The following ATP10D variants were observed in gnomAD, a reference collection of about 807,000 sequenced individuals.
The protein encoded by ATP10D is phospholipid-transporting ATPase VD.
A neutral mutation model predicts 144.8 loss-of-function variants in ATP10D; 89 were observed. That is an observed-to-expected ratio of 0.61 (90% CI 0.52 to 0.73). The LOEUF (loss-of-function observed/expected upper bound fraction) is 0.73. ATP10D is among the 30% of genes least tolerant of loss of function. The pLI is 0.00. For missense variants in ATP10D, 1,603 were observed against 1,714.8 expected (o/e 0.93, Z 1.15); for synonymous variants, 571 against 615.1 (o/e 0.93, Z 1.06).
chr4:47,525,774 A>G, intron 5 of ATP10D, 132 bp downstream of exon 5: 1 of 676,860 alleles, frequency 1.5e-6, no homozygotes, highest in Non-Finnish European at 2.5e-6. Context: ...GCCACCTACT[A>G]AAATAGTTTG....
At chr4:47,499,797 C>T (rs779688214) in intron 1 of ATP10D, among the ~76,000 whole-genome samples, 1 of 152,118 alleles carries the variant, frequency 6.6e-6, no homozygotes, top group Non-Finnish European at 1.5e-5. Flanking sequence ...GAATAACTTC[C>T]TCTTGGAGAG....
In ATP10D at chr4:47,572,135, T is replaced by A; in HGVS notation, c.3164-19T>A. 6.2e-7 allele frequency: 1 copy of A among 1,613,236 alleles called. No individual in the cohort carries two copies. Among genetic ancestry groups the A allele is most frequent in the Non-Finnish European group, 8.5e-7 (1 of 1,179,230 alleles). ...TTTACTCCTCATATGTTTCTCTCCT[T>A]TTTTTCTGCCTCATGAAGGTGATGG... On this transcript the variant is annotated intron_variant, in intron 16 of 22. Transcript: ENST00000273859.
intron 18 of ATP10D, among the ~76,000 whole-genome samples, chr4:47,576,355 A>G (rs894528293): frequency 1.3e-5 from 2 of 151,906 alleles, no homozygotes; most frequent in Admixed American, 1.3e-4. Flanking sequence ...TTGGTCTTAG[A>G]TAGAGGGAGT....
intron 5 of ATP10D, among the ~76,000 whole-genome samples, chr4:47,528,770 C>T (rs949900708): frequency 3.3e-5 from 5 of 152,066 alleles, no homozygotes; most frequent in African/African-American, 1.2e-4. Flanking sequence ...TACATACACA[C>T]CAACAGTGTA....
At chr4:47,540,727 T>A (rs1718094861) in intron 9 of ATP10D, among the ~76,000 whole-genome samples, 2 of 152,182 alleles carry the variant, frequency 1.3e-5, no homozygotes, top group Non-Finnish European at 2.9e-5. Context: ...AACCCATATT[T>A]TATTTGGACT....
Position 47,488,844 on chromosome 4 carries a change from C to T in ATP10D, c.-38+3325C>T, listed in dbSNP as rs185026618. Among the ~76,000 whole-genome samples, 83 of 152,202 alleles carry T rather than the reference C, an allele frequency of 5.5e-4. 1 individual carries two copies. Among genetic ancestry groups the T allele is most frequent in the Admixed American group, 2.2e-3 (34 of 15,284 alleles). On this transcript the variant is annotated intron_variant, in intron 1 of 22. Transcript: ENST00000273859. ...ATTCCTCATGAATGGGATTAGTGCCCTCATAAAAGAGGCCACAAAGAGCTG... is the reference window on the plus strand; with the variant it reads ...ATTCCTCATGAATGGGATTAGTGCCTTCATAAAAGAGGCCACAAAGAGCTG...
chr4:47,487,714 T>C (rs1405007312), intron 1 of ATP10D, among the ~76,000 whole-genome samples: 1 of 152,272 alleles, frequency 6.6e-6, no homozygotes, highest in African/African-American at 2.4e-5. Flanking sequence ...TTTATCGCTT[T>C]GCAGAATAAG....
At chr4:47,496,937 G>A (rs568915362) in intron 1 of ATP10D, among the ~76,000 whole-genome samples, 31 of 152,110 alleles carry the variant, frequency 2.0e-4, no homozygotes, top group Admixed American at 7.9e-4. Flanking sequence ...TGCCTCCTGG[G>A]TTCGAGTGAT....
chr4:47,586,910 TTC>T (rs1720815024), intron 21 of ATP10D, 107 bp from the exon 22 acceptor site: 1 of 927,308 alleles, frequency 1.1e-6, no homozygotes, highest in African/African-American at 1.7e-5. Context: ...TGTTACACCA[TTC>T]ATCCAGTGCT....
intron 10 of ATP10D, among the ~76,000 whole-genome samples, chr4:47,551,366 A>G (rs1718725235): frequency 6.6e-6 from 1 of 152,236 alleles, no homozygotes; most frequent in African/African-American, 2.4e-5. Context: ...CTTTGTTTAC[A>G]TTATAGGAAG....
chr4:47,545,970 G>A (rs1718400807), intron 9 of ATP10D, among the ~76,000 whole-genome samples: 1 of 152,078 alleles, frequency 6.6e-6, no homozygotes, highest in Non-Finnish European at 1.5e-5. Context: ...CAGTATTTGA[G>A]GACTAAAAAG....
intron 1 of ATP10D, among the ~76,000 whole-genome samples, chr4:47,504,345 C>T (rs1190511656): frequency 6.6e-6 from 1 of 152,116 alleles, no homozygotes; most frequent in Non-Finnish European, 1.5e-5. Context: ...CACATTGGCA[C>T]CTGGGGCAGC....
intron 2 of ATP10D, 65 bp downstream of exon 2, chr4:47,512,895 A>G: frequency 7.0e-7 from 1 of 1,431,032 alleles, no homozygotes; most frequent in Non-Finnish European, 9.5e-7. Flanking sequence ...CATATTTTTC[A>G]TTTTCATAAC....
intron 9 of ATP10D, among the ~76,000 whole-genome samples, chr4:47,542,295 C>T (rs1457562340): frequency 1.3e-5 from 2 of 151,992 alleles, no homozygotes; most frequent in Non-Finnish European, 2.9e-5. Flanking sequence ...CAGGATTTCG[C>T]CATGTTTCCC....
intron 10 of ATP10D, among the ~76,000 whole-genome samples, chr4:47,553,359 A>C (rs1009537175): frequency 6.6e-6 from 1 of 152,236 alleles, no homozygotes; most frequent in Non-Finnish European, 1.5e-5. Flanking sequence ...AACAAGATTC[A>C]AATTTTGCTA....
chr4:47,587,976 G>A (rs1297196145), intron 22 of ATP10D, among the ~76,000 whole-genome samples: 1 of 152,072 alleles, frequency 6.6e-6, no homozygotes, highest in Non-Finnish European at 1.5e-5. Flanking sequence ...ATTTTTGTTT[G>A]TTTGTTTGTT....
intron 3 of ATP10D, among the ~76,000 whole-genome samples, chr4:47,522,016 G>T (rs1716966894): frequency 6.6e-6 from 1 of 152,168 alleles, no homozygotes; most frequent in African/African-American, 2.4e-5. Flanking sequence ...TTAATCTGAT[G>T]AAATAAAATA....
intron 14 of ATP10D, 100 bp from the exon 15 acceptor site, chr4:47,563,481 G>A: frequency 9.0e-7 from 1 of 1,114,498 alleles, no homozygotes; most frequent in Non-Finnish European, 1.3e-6. Context: ...ATGTAGTGTA[G>A]GGTTGAGTTG....
At chr4:47,516,009 C>T (rs534025940) in intron 3 of ATP10D, among the ~76,000 whole-genome samples, 98 of 152,270 alleles carry the variant, frequency 6.4e-4, no homozygotes, top group Middle Eastern at 6.8e-3. Flanking sequence ...GCGGGTGGAT[C>T]GCCTGAGGTC....
Sources: allele counts gnomAD v4.1 joint callset (sites outside exome capture counted in the v4.1 genomes callset), GRCh38; gene constraint gnomAD v4.1.1; transcripts MANE v1.5; gene names NCBI Gene and HGNC (gene_info 2026-07-23, HGNC 2026-07-21).